APOL6: variants seen among roughly 807,000 people sequenced by gnomAD.
APOL6 encodes apolipoprotein L, 6.
A neutral mutation model predicts 2.4 loss-of-function variants in APOL6; 1 was observed. The observed-to-expected ratio is 0.41, with a 90% CI of 0.15 to 1.94. The LOEUF is 1.94. Among genes scored for constraint, APOL6 ranks in the 30% most tolerant of loss-of-function variants. The pLI is 0.30. For synonymous variants in APOL6, 189 were observed against 169.3 expected (o/e 1.12, Z -0.90); for missense variants, 438 against 429.2 (o/e 1.02, Z -0.18).
rs963849136 is a variant in APOL6 at position 35,663,769 on chromosome 22, A to T, written c.*4173A>T. On this transcript the variant is annotated 3_prime_UTR_variant, in exon 3 of 3. Coordinates refer to ENST00000409652, the MANE Select transcript of APOL6 (RefSeq NM_030641.4). ...TGGGTTGTTTCCTTTAATGTGCAAA[A>T]ATTTAAGGCTATTTAGCTGACAACT... 3 of 152,142 alleles carry T rather than the reference A, an allele frequency of 2.0e-5. No individual in the cohort carries two copies. The highest frequency in any genetic ancestry group is 7.2e-5 in the African/African-American group (3 of 41,432). The allele number at this position is 152,142 out of a possible 1,614,324, so 9.4% of individuals were successfully genotyped here.
In APOL6 at chr22:35,658,823, ATC is replaced by A. The variant is rs1924921206; in HGVS notation, c.263_264del (p.Ser88TrpfsTer48). 1 of 1,614,174 alleles carries A rather than the reference ATC, an allele frequency of 6.2e-7. No homozygotes were observed. The highest frequency in any genetic ancestry group is 8.5e-7 in the Non-Finnish European group (1 of 1,180,022). ...CATGGTGGCCACCTCTACTGCTGTCATCTCTGGAGTGATGAGCCTCCTGGGTT... is the reference window on the plus strand; with the variant it reads ...CATGGTGGCCACCTCTACTGCTGTCATCTGGAGTGATGAGCCTCCTGGGTT... ...ANMVATSTAV[I>X]SGVMSLLGLA... is the part of the protein sequence containing the mutation. On this transcript the variant is annotated frameshift_variant, in exon 3 of 3. Transcript: ENST00000409652. LOFTEE classifies it low-confidence loss of function (END_TRUNC).
Position 35,664,848 on chromosome 22 carries a change from TA to T in APOL6, c.*5256del. 1 of 151,734 alleles carries T rather than the reference TA, an allele frequency of 6.6e-6. No homozygotes were observed. The highest frequency in any genetic ancestry group is 2.4e-5 in the African/African-American group (1 of 41,402). The allele number at this position is 151,734 out of a possible 1,614,324, so 9.4% of individuals were successfully genotyped here. ...AAGTTTTGTCTAATTCAAAGCTTAT[TA>T]AAAGGTTATATATAAAACAAGGTAA... On this transcript the variant is annotated 3_prime_UTR_variant, in exon 3 of 3. Transcript: ENST00000409652.
intron 2 of APOL6, among the ~76,000 whole-genome samples, chr22:35,657,359 G>A (rs1569134632): frequency 6.6e-6 from 1 of 152,140 alleles, no homozygotes; most frequent in Non-Finnish European, 1.5e-5. Flanking sequence ...TGGATTAATA[G>A]ATAATTGTGC....
intron 1 of APOL6, among the ~76,000 whole-genome samples, chr22:35,653,354 T>C (rs1280666387): frequency 6.6e-6 from 1 of 152,214 alleles, no homozygotes; most frequent in Admixed American, 6.5e-5. Context: ...CAGGGACAAT[T>C]TGACTTCCTC....
intron 2 of APOL6, among the ~76,000 whole-genome samples, chr22:35,657,328 C>T (rs1332666647): frequency 6.6e-6 from 1 of 152,154 alleles, no homozygotes; most frequent in Non-Finnish European, 1.5e-5. Context: ...ACCTTCTGCT[C>T]TGTTAACTGA....
rs1924916438 is a variant in APOL6, at chr22:35,658,735, T to C, written c.171T>C (p.Ile57=). Residue 57 remains isoleucine, a synonymous_variant, in exon 3 of 3, where the codon ATT becomes ATC. Coordinates refer to ENST00000409652, the MANE Select transcript of APOL6 (RefSeq NM_030641.4). ...PRLKEDLKGN[I]DKLRALADDI... ...TGAAAGAAGATCTGAAAGGGAACAT[T>C]GACAAGCTCCGTGCCCTCGCAGACG... 14 of 1,614,164 alleles carry C rather than the reference T, an allele frequency of 8.7e-6. No individual in the cohort carries two copies. The highest frequency in any genetic ancestry group is 2.7e-5 in the African/African-American group (2 of 75,028).
At position 35,659,835 on chromosome 22, in the gene APOL6, G is replaced by T. The variant is rs1269537990; in HGVS notation, c.*239G>T. ...GGCTGGAGTGCAGTGGCGTAATCTC[G>T]GCTCACTGCAACCTCTGCCTCCTGA... is the stretch of plus-strand genomic sequence containing the variant. On this transcript the variant is annotated 3_prime_UTR_variant, in exon 3 of 3. Transcript: ENST00000409652. 1.7e-6 allele frequency: 1 copy of T among 578,184 alleles called. No individual in the cohort carries two copies. Among genetic ancestry groups the T allele is most frequent in the Non-Finnish European group, 2.9e-6 (1 of 349,570 alleles). The allele number at this position is 578,184 out of a possible 1,614,324, so 35.8% of individuals were successfully genotyped here. A position where few individuals can be genotyped will look rare whatever the true frequency, so the allele number is the denominator to read the frequency against.
chr22:35,666,279 AT>A lies in APOL6; in HGVS notation c.*6685del, dbSNP rs567060526. 4.0e-5 allele frequency: 6 copies of A among 151,652 alleles called. No individual in the cohort carries two copies. The South Asian group carries it at 1.2e-3, about 32-fold the overall frequency. 9.4% of individuals were successfully genotyped at this position (151,652 alleles called of 1,614,324 possible). A position where few individuals can be genotyped will look rare whatever the true frequency, so the allele number is the denominator to read the frequency against. The stretch of plus-strand genomic sequence containing the variant: ...GGTCCTCTTTTTTAAATATATTTTT[AT>A]TATTATTTTTGAGATGGGGACTCAC... On this transcript the variant is annotated 3_prime_UTR_variant, in exon 3 of 3. Transcript: ENST00000409652.
chr22:35,659,632 G>A lies in APOL6; in HGVS notation c.*36G>A, dbSNP rs1924966018. 6.5e-7 allele frequency: 1 copy of A among 1,536,406 alleles called. No individual in the cohort carries two copies. The highest frequency in any genetic ancestry group is 1.2e-5 in the South Asian group (1 of 80,928). On this transcript the variant is annotated 3_prime_UTR_variant, in exon 3 of 3. Coordinates refer to ENST00000409652, the MANE Select transcript of APOL6 (RefSeq NM_030641.4). The stretch of plus-strand genomic sequence containing the variant: ...GGACATGGCATACAATGGCCTTGGA[G>A]GTCCAAATAATATCAAGTACATCTT...
chr22:35,654,540 CTATA>C (rs67523644), intron 1 of APOL6, among the ~76,000 whole-genome samples: 3 of 146,768 alleles, frequency 2.0e-5, no homozygotes, highest in South Asian at 2.2e-4. Flanking sequence ...CTCTCTCTCT[CTATA>C]TATATATATA....
In APOL6 at chr22:35,659,045, G is replaced by T. The variant is rs1924933113; in HGVS notation, c.481G>T (p.Ala161Ser). 15 of 1,613,916 alleles carry T rather than the reference G, an allele frequency of 9.3e-6. No individual in the cohort carries two copies. Among genetic ancestry groups the T allele is most frequent in the Non-Finnish European group, 1.3e-5 (15 of 1,180,028 alleles). ...QEDREDEEEKADYVTAAGKII... is the reference protein window; with the variant it reads ...QEDREDEEEKSDYVTAAGKII... Reference sequence around the variant, plus strand: ...GGACAGGGAGGATGAGGAAGAGAAGGCAGACTATGTCACAGCTGCTGGAAA... The same window carrying T: ...GGACAGGGAGGATGAGGAAGAGAAGTCAGACTATGTCACAGCTGCTGGAAA... Residue 161 changes from alanine to serine, a missense_variant, in exon 3 of 3, where the codon GCA (alanine) becomes TCA (serine). By Grantham distance (99) the Ala-to-Ser change is moderately conservative (BLOSUM62 1). Transcript: ENST00000409652.
At chr22:35,650,309 T>C (rs1451602220) in intron 1 of APOL6, among the ~76,000 whole-genome samples, 2 of 152,180 alleles carry the variant, frequency 1.3e-5, no homozygotes, top group African/African-American at 4.8e-5. Flanking sequence ...CAGACGTCTA[T>C]ATAAGGATTT....
At position 35,656,353 on chromosome 22, in the gene APOL6, C is replaced by T. The variant is rs375243166; in HGVS notation, c.-47-26C>T. 6.4e-4 allele frequency: 1,001 copies of T among 1,556,602 alleles called. 6 individuals carry two copies. The Middle Eastern group carries it at 7.1e-3, about 11-fold the overall frequency. ...TAAGGTTTCATCATATGTGCAGTAA[C>T]GTTGTTTTTCTACATTCCTGACCAG... On this transcript the variant is annotated intron_variant, in intron 1 of 2. Coordinates refer to ENST00000409652, the MANE Select transcript of APOL6 (RefSeq NM_030641.4).
chr22:35,658,983 C>G lies in APOL6; in HGVS notation c.419C>G (p.Ala140Gly). Residue 140 changes from alanine to glycine, a missense_variant, in exon 3 of 3, where the codon GCA becomes GGA. Coordinates refer to ENST00000409652, the MANE Select transcript of APOL6 (RefSeq NM_030641.4). Reference sequence around the variant, plus strand: ...CGCTCCAAAAATAAAGAAGCCCAAGCACGGGCGGAAGACATACTGCCCACC... The same window carrying G: ...CGCTCCAAAAATAAAGAAGCCCAAGGACGGGCGGAAGACATACTGCCCACC... Reference protein sequence around the residue: ...LERSKNKEAQARAEDILPTYD... With the variant: ...LERSKNKEAQGRAEDILPTYD... 1 of 1,613,898 alleles carries G rather than the reference C, an allele frequency of 6.2e-7. No homozygotes were observed. The highest frequency in any genetic ancestry group is 8.5e-7 in the Non-Finnish European group (1 of 1,180,034).
rs1458315702 is a variant in APOL6, at chr22:35,664,398, G to A, written c.*4802G>A. ...TAGTCCACAGACAATAAGGAGGTTT[G>A]TTTTGGGAAAGGACTGTTATTGTCA... On this transcript the variant is annotated 3_prime_UTR_variant, in exon 3 of 3. Coordinates refer to ENST00000409652, the MANE Select transcript of APOL6 (RefSeq NM_030641.4). The A allele has an allele frequency of 6.6e-6, 1 of 152,218 alleles. No homozygotes were observed. Among genetic ancestry groups the A allele is most frequent in the Non-Finnish European group, 1.5e-5 (1 of 68,034 alleles). 9.4% of individuals were successfully genotyped at this position (152,218 alleles called of 1,614,324 possible). A position where few individuals can be genotyped will look rare whatever the true frequency, so the allele number is the denominator to read the frequency against.
chr22:35,664,922 G>T lies in APOL6; in HGVS notation c.*5326G>T, dbSNP rs1248898775. 6.6e-6 allele frequency: 1 copy of T among 151,542 alleles called. No homozygotes were observed. The highest frequency in any genetic ancestry group is 2.4e-5 in the African/African-American group (1 of 41,322). 9.4% of individuals were successfully genotyped at this position (151,542 alleles called of 1,614,324 possible). On this transcript the variant is annotated 3_prime_UTR_variant, in exon 3 of 3. Coordinates refer to ENST00000409652, the MANE Select transcript of APOL6 (RefSeq NM_030641.4). Reference sequence around the variant, plus strand: ...ATGTAAATAAAGTTATAAAAATAAAGAATTTTTTCAAGGTTAAAAAGCTGA... The same window carrying T: ...ATGTAAATAAAGTTATAAAAATAAATAATTTTTTCAAGGTTAAAAAGCTGA...
Position 35,667,224 on chromosome 22 carries a change from A to G in APOL6, c.*7628A>G, listed in dbSNP as rs1002912236. 1 of 152,126 alleles carries G rather than the reference A, an allele frequency of 6.6e-6. No homozygotes were observed. The highest frequency in any genetic ancestry group is 1.5e-5 in the Non-Finnish European group (1 of 68,028). 9.4% of individuals were successfully genotyped at this position (152,126 alleles called of 1,614,324 possible). On this transcript the variant is annotated 3_prime_UTR_variant, in exon 3 of 3. Transcript: ENST00000409652. ...ACATAAGCCCCAGGTTTACCTCAGAACCTCAAGAGGAGAGGAAATTCACCC... is the reference window on the plus strand; with the variant it reads ...ACATAAGCCCCAGGTTTACCTCAGAGCCTCAAGAGGAGAGGAAATTCACCC...
At chr22:35,650,188 G>A (rs1452827895) in intron 1 of APOL6, among the ~76,000 whole-genome samples, 1 of 152,170 alleles carries the variant, frequency 6.6e-6, no homozygotes, top group Non-Finnish European at 1.5e-5. Context: ...AAGGTGCCAA[G>A]CCCCCTAAAC....
intron 1 of APOL6, among the ~76,000 whole-genome samples, chr22:35,655,264 C>A (rs1268760693): frequency 6.6e-6 from 1 of 152,088 alleles, no homozygotes; most frequent in Non-Finnish European, 1.5e-5. Flanking sequence ...TACAAGGATC[C>A]TAGCTGAGAA....
Sources: allele counts gnomAD v4.1 joint callset (sites outside exome capture counted in the v4.1 genomes callset), GRCh38; gene constraint gnomAD v4.1.1; transcripts MANE v1.5; gene names NCBI Gene and HGNC (gene_info 2026-07-23, HGNC 2026-07-21).